Variants in CNBD1 observed in about 807,000 individuals in gnomAD.
CNBD1 encodes the protein cyclic nucleotide-binding domain-containing protein 1.
CNBD1 carries 71 observed loss-of-function variants against 54.4 expected under a neutral mutation model. That is an observed-to-expected ratio of 1.30 (90% CI 1.08 to 1.59). The LOEUF (loss-of-function observed/expected upper bound fraction) is 1.59. Ranked by LOEUF, CNBD1 falls within the 40% of genes most tolerant of loss-of-function variation. The pLI, the probability that CNBD1 is intolerant of heterozygous loss-of-function variation, is 0.00. For missense variants in CNBD1, 659 were observed against 518.0 expected (o/e 1.27, Z -2.64); for synonymous variants, 182 against 170.7 (o/e 1.07, Z -0.51).
At chr8:87,181,551 G>C (rs1813312815) in intron 4 of CNBD1, among the ~76,000 whole-genome samples, 2 of 152,126 alleles carry the variant, frequency 1.3e-5, no homozygotes, top group African/African-American at 4.8e-5. Context: ...CAAATAGTCT[G>C]TAAAGCTGTC....
rs1234429568 is a variant in CNBD1, at chr8:87,061,364, C to G, written c.431+121610C>G. On this transcript the variant is annotated intron_variant, in intron 4 of 10. Coordinates refer to ENST00000518476, the MANE Select transcript of CNBD1 (RefSeq NM_173538.3). ...ACCTGAAGTGCATTAACAGCAGATT[C>G]CATAATAATACAGCAAATGGTCATA... 2.6e-5 allele frequency among the ~76,000 whole-genome samples: 4 copies of G among 152,228 alleles called. No homozygotes were observed. The East Asian group carries it at 5.8e-4, about 22-fold the overall frequency.
At chr8:87,001,955 T>C (rs1809002147) in intron 4 of CNBD1, among the ~76,000 whole-genome samples, 1 of 152,214 alleles carries the variant, frequency 6.6e-6, no homozygotes, top group Admixed American at 6.5e-5. Flanking sequence ...AGTAGTGTTT[T>C]CAAAATGTTC....
intron 6 of CNBD1, among the ~76,000 whole-genome samples, chr8:87,283,574 A>G (rs1048229316): frequency 6.6e-6 from 1 of 152,128 alleles, no homozygotes; most frequent in African/African-American, 2.4e-5. Context: ...GCATAAGTGT[A>G]TGCTCTGTAC....
chr8:86,882,583 A>T (rs1420782922), intron 1 of CNBD1, among the ~76,000 whole-genome samples: 1 of 152,212 alleles, frequency 6.6e-6, no homozygotes, highest in Non-Finnish European at 1.5e-5. Context: ...ACTGTAAATC[A>T]GCTCAACCAT....
In CNBD1 at chr8:87,260,605, T is replaced by C. The variant is rs1808117150; in HGVS notation, c.771+23493T>C. On this transcript the variant is annotated intron_variant, in intron 6 of 10. Coordinates refer to ENST00000518476, the MANE Select transcript of CNBD1 (RefSeq NM_173538.3). ...CACAGGGAGAGAAAAGCCAGAAATC[T>C]GACTGGTAAGAAACTCTTACCCTTT... Among the ~76,000 whole-genome samples, 6 of 152,280 alleles carry C rather than the reference T, an allele frequency of 3.9e-5. No individual in the cohort carries two copies. In the South Asian group the frequency reaches 1.2e-3, roughly 32 times the overall value.
chr8:87,129,772 C>G (rs538976204), intron 4 of CNBD1, among the ~76,000 whole-genome samples: 1 of 152,102 alleles, frequency 6.6e-6, no homozygotes, highest in African/African-American at 2.4e-5. Flanking sequence ...AAACATTTCT[C>G]TCTCTCTTTT....
chr8:87,155,558 T>C (rs1173387610), intron 4 of CNBD1, among the ~76,000 whole-genome samples: 1 of 152,186 alleles, frequency 6.6e-6, no homozygotes, highest in Non-Finnish European at 1.5e-5. Flanking sequence ...TGATTAGATG[T>C]ATGATATTTG....
In CNBD1 at chr8:87,325,985, T is replaced by TCA. The variant is rs1809659732; in HGVS notation, c.1043-25700_1043-25699insCA. Among the ~76,000 whole-genome samples the TCA allele has an allele frequency of 1.9e-5, 2 of 107,800 alleles. 1 individual carries two copies. The highest frequency in any genetic ancestry group is 4.1e-5 in the Non-Finnish European group (2 of 49,014). The allele number at this position is 107,800 out of a possible 152,430, so 70.7% of individuals were successfully genotyped here. ...TTTAGCGCTTCCTTCAGGAGCTCTT[T>TCA]TAGGGCAGGCCTGGTGGTGACAAAA... On this transcript the variant is annotated intron_variant, in intron 8 of 10. Coordinates refer to ENST00000518476, the MANE Select transcript of CNBD1 (RefSeq NM_173538.3).
chr8:87,145,724 CA>C (rs1812471411), intron 4 of CNBD1, among the ~76,000 whole-genome samples: 1 of 152,096 alleles, frequency 6.6e-6, no homozygotes, highest in Non-Finnish European at 1.5e-5. Flanking sequence ...AAAATATTAA[CA>C]TATCTGCAAC....
intron 4 of CNBD1, among the ~76,000 whole-genome samples, chr8:87,144,376 A>C (rs766367077): frequency 6.6e-6 from 1 of 152,212 alleles, no homozygotes; most frequent in Non-Finnish European, 1.5e-5. Context: ...GGGAAACAAC[A>C]ATAGACTTAT....
chr8:86,987,698 G>C lies in CNBD1; in HGVS notation c.431+47944G>C, dbSNP rs538373746. On this transcript the variant is annotated intron_variant, in intron 4 of 10. Coordinates refer to ENST00000518476, the MANE Select transcript of CNBD1 (RefSeq NM_173538.3). ...GCCTTCAATTCCTCGTCTGTTGGGA[G>C]TTTGTATCATAATGGAGAATTGGAT... is the stretch of plus-strand genomic sequence containing the variant. Among the ~76,000 whole-genome samples the C allele has an allele frequency of 1.2e-4, 18 of 152,246 alleles. No homozygotes were observed. In the Middle Eastern group the frequency reaches 0.01, roughly 86 times the overall value.
chr8:87,081,821 A>G (rs769892821), intron 4 of CNBD1, among the ~76,000 whole-genome samples: 1 of 152,064 alleles, frequency 6.6e-6, no homozygotes, highest in Non-Finnish European at 1.5e-5. Flanking sequence ...GGACTGTTTT[A>G]TAAATGAAAA....
intron 4 of CNBD1, among the ~76,000 whole-genome samples, chr8:87,137,157 A>G (rs1301166343): frequency 2.8e-5 from 4 of 140,406 alleles, no homozygotes; most frequent in South Asian, 2.1e-4. Context: ...TTTTTATTCT[A>G]TATAAATTAT....
At chr8:87,115,813 G>A (rs899749688) in intron 4 of CNBD1, among the ~76,000 whole-genome samples, 1 of 152,158 alleles carries the variant, frequency 6.6e-6, no homozygotes, top group Non-Finnish European at 1.5e-5. Flanking sequence ...AAGCCCTCTG[G>A]AAGCTACCTC....
At chr8:87,409,045 A>C (rs1807697207) in intron 2 of CNBD1, among the ~76,000 whole-genome samples, 1 of 152,140 alleles carries the variant, frequency 6.6e-6, no homozygotes, top group African/African-American at 2.4e-5. Flanking sequence ...GAAGGGTTGC[A>C]TTTCTTTTAC....
chr8:87,047,379 G>A (rs1311896868), intron 4 of CNBD1, among the ~76,000 whole-genome samples: 2 of 152,146 alleles, frequency 1.3e-5, no homozygotes, highest in African/African-American at 2.4e-5. Flanking sequence ...TCATCAAGAA[G>A]CCTCCCAGTT....
chr8:87,291,714 G>A (rs995223980), intron 8 of CNBD1, among the ~76,000 whole-genome samples: 1 of 152,026 alleles, frequency 6.6e-6, no homozygotes, highest in Admixed American at 6.6e-5. Flanking sequence ...AAACTCCTGG[G>A]CTCAAGTGAT....
intron 8 of CNBD1, among the ~76,000 whole-genome samples, chr8:87,301,408 G>A (rs973276322): frequency 6.6e-6 from 1 of 152,030 alleles, no homozygotes; most frequent in African/African-American, 2.4e-5. Flanking sequence ...GAAAACTACA[G>A]ACCAATAGCC....
chr8:87,347,740 G>A (rs1381896694), intron 8 of CNBD1, among the ~76,000 whole-genome samples: 1 of 152,108 alleles, frequency 6.6e-6, no homozygotes, highest in African/African-American at 2.4e-5. Flanking sequence ...ATCTGTAGAT[G>A]GCTCCATAGA....
Sources: gnomAD v4.1 joint callset for allele counts (sites outside exome capture counted in the v4.1 genomes callset) on GRCh38, gnomAD v4.1.1 for gene constraint, MANE v1.5 for transcripts, NCBI Gene and HGNC (gene_info 2026-07-23, HGNC 2026-07-21) for gene names.